C1QTNF3: variants seen among roughly 807,000 people sequenced by gnomAD.
The protein encoded by C1QTNF3 is complement C1q tumor necrosis factor-related protein 3.
Under a neutral mutation model 32.6 loss-of-function variants are expected in C1QTNF3, and 26 were observed. The observed-to-expected ratio is 0.80, with a 90% CI of 0.58 to 1.11. The LOEUF (loss-of-function observed/expected upper bound fraction) is 1.11. C1QTNF3 is among the 50% of genes least tolerant of loss of function. The pLI is 0.00. For missense variants in C1QTNF3, 362 were observed against 398.2 expected, an observed-to-expected ratio of 0.91 and a Z score of 0.77; for synonymous variants, 155 against 146.0, an observed-to-expected ratio of 1.06 and a Z score of -0.44.
chr5:34,033,228 C>T (rs150978354), intron 3 of C1QTNF3, 76 bp downstream of exon 3: 27 of 1,522,808 alleles, frequency 1.8e-5, no homozygotes, highest in Middle Eastern at 4.5e-4. Flanking sequence ...AGGAAGCGCT[C>T]GAACATCCTG....
At chr5:34,138,783 A>G in the C1QTNF3 span, among the ~76,000 whole-genome samples, 1 of 152,176 alleles carries the variant, frequency 6.6e-6, no homozygotes, top group Non-Finnish European at 1.5e-5. Flanking sequence ...ATTTTTGAAA[A>G]AATACTTTTT....
the C1QTNF3 span, among the ~76,000 whole-genome samples, chr5:34,122,795 T>C: frequency 2.0e-5 from 3 of 150,398 alleles, no homozygotes; most frequent in Non-Finnish European, 4.4e-5. Context: ...GAAAGGGTTA[T>C]GCTGCCATCT....
At chr5:34,050,151 G>C in the C1QTNF3 span, among the ~76,000 whole-genome samples, 2 of 152,098 alleles carry the variant, frequency 1.3e-5, no homozygotes, top group Admixed American at 6.6e-5. Context: ...AAGCCTTTTT[G>C]AATGAAGCTG....
At chr5:34,092,227 A>C in the C1QTNF3 span, among the ~76,000 whole-genome samples, 1 of 152,002 alleles carries the variant, frequency 6.6e-6, no homozygotes, top group Non-Finnish European at 1.5e-5. Context: ...TTTGAGAAGA[A>C]TATTTGATGT....
chr5:34,038,320 T>C (rs1754789829), intron 1 of C1QTNF3, among the ~76,000 whole-genome samples: 1 of 152,180 alleles, frequency 6.6e-6, no homozygotes, highest in Non-Finnish European at 1.5e-5. Context: ...AAAAGCTTGC[T>C]TGATCTTGAT....
At chr5:34,210,112 T>G in the C1QTNF3 span, among the ~76,000 whole-genome samples, 4 of 152,014 alleles carry the variant, frequency 2.6e-5, no homozygotes, top group African/African-American at 4.8e-5. Flanking sequence ...TAAAATAAAT[T>G]AAATTTATAA....
At chr5:34,046,091 T>C (rs960086874), upstream of C1QTNF3, among the ~76,000 whole-genome samples, 2 of 152,208 alleles carry the variant, frequency 1.3e-5, no homozygotes, top group Admixed American at 1.3e-4. Flanking sequence ...ATGCCTATAT[T>C]AAAGAAAAAC....
At chr5:34,136,830 T>C in the C1QTNF3 span, among the ~76,000 whole-genome samples, 1 of 152,194 alleles carries the variant, frequency 6.6e-6, no homozygotes, top group African/African-American at 2.4e-5. Flanking sequence ...TAAAAAAGGA[T>C]GAGTTCATGT....
At chr5:34,023,379 TC>T (rs1238913020) in intron 5 of C1QTNF3, among the ~76,000 whole-genome samples, 1 of 152,206 alleles carries the variant, frequency 6.6e-6, no homozygotes, top group African/African-American at 2.4e-5. Flanking sequence ...CATCTTCCTG[TC>T]TTTTGGCATT....
At chr5:34,070,515 T>G in the C1QTNF3 span, among the ~76,000 whole-genome samples, 5 of 152,190 alleles carry the variant, frequency 3.3e-5, no homozygotes, top group Non-Finnish European at 7.4e-5. Context: ...AGCAATTACT[T>G]ACTTCATGGG....
the C1QTNF3 span, among the ~76,000 whole-genome samples, chr5:34,126,860 A>T: frequency 6.6e-6 from 1 of 152,200 alleles, no homozygotes; most frequent in African/African-American, 2.4e-5. Context: ...CTAGAATTGT[A>T]ATCCCCACAT....
the C1QTNF3 span, among the ~76,000 whole-genome samples, chr5:34,177,373 T>G: frequency 6.6e-6 from 1 of 151,668 alleles, no homozygotes; most frequent in Non-Finnish European, 1.5e-5. Flanking sequence ...AGTACAGTGG[T>G]GCAATTATGG....
At chr5:34,074,775 T>C in the C1QTNF3 span, among the ~76,000 whole-genome samples, 1 of 151,420 alleles carries the variant, frequency 6.6e-6, no homozygotes, top group Non-Finnish European at 1.5e-5. Flanking sequence ...AAGAATATGA[T>C]ACCAGGAGCC....
the C1QTNF3 span, among the ~76,000 whole-genome samples, chr5:34,195,469 C>T: frequency 2.0e-5 from 3 of 150,392 alleles, no homozygotes; most frequent in African/African-American, 4.9e-5. Flanking sequence ...AGAAAGAAAC[C>T]TATCAGATTT....
chr5:34,071,807 G>A, the C1QTNF3 span, among the ~76,000 whole-genome samples: 1 of 152,136 alleles, frequency 6.6e-6, no homozygotes, highest in Non-Finnish European at 1.5e-5. Flanking sequence ...AAAAGAAGAT[G>A]TGGGAATGCT....
the C1QTNF3 span, among the ~76,000 whole-genome samples, chr5:34,147,881 G>C: frequency 6.6e-6 from 1 of 152,136 alleles, no homozygotes; most frequent in Non-Finnish European, 1.5e-5. Flanking sequence ...GAACAGCTCC[G>C]GTCTACAGCT....
the C1QTNF3 span, among the ~76,000 whole-genome samples, chr5:34,145,678 C>CAAAAAAAAAAAAAA: frequency 5.2e-5 from 5 of 96,942 alleles, no homozygotes; most frequent in Non-Finnish European, 6.2e-5. Flanking sequence ...AGAGACACAG[C>CAAAAAAAAAAAAAA]AAAAAAAAAA....
chr5:34,052,972 G>C, the C1QTNF3 span, among the ~76,000 whole-genome samples: 10 of 152,184 alleles, frequency 6.6e-5, no homozygotes, highest in Admixed American at 2.0e-4. Context: ...GGGTGTTGGT[G>C]TTAAGTTTGG....
At chr5:34,209,891 G>GCC in the C1QTNF3 span, among the ~76,000 whole-genome samples, 2 of 152,070 alleles carry the variant, frequency 1.3e-5, no homozygotes, top group Non-Finnish European at 2.9e-5. Context: ...AGTTAAGAAA[G>GCC]CACTGGTCTC....
Sources: allele counts gnomAD v4.1 joint callset (sites outside exome capture counted in the v4.1 genomes callset), GRCh38; gene constraint gnomAD v4.1.1; transcripts MANE v1.5; gene names NCBI Gene and HGNC (gene_info 2026-07-23, HGNC 2026-07-21).